KCTD1: variants seen among roughly 807,000 people sequenced by gnomAD.
The protein encoded by KCTD1 is potassium channel tetramerization domain containing 1.
KCTD1 carries 24 observed loss-of-function variants against 66.0 expected under a neutral mutation model. That is an observed-to-expected ratio of 0.36 (90% confidence interval 0.26 to 0.51). KCTD1 has a LOEUF of 0.51. Ranked by LOEUF, KCTD1 falls within the 20% of genes least tolerant of loss-of-function variation. The probability of loss-of-function intolerance (pLI) is 0.95; values close to 1 mark genes in which losing one functional copy is unlikely to be tolerated. For synonymous variants in KCTD1, 511 were observed against 517.2 expected, an observed-to-expected ratio of 0.99 and a Z score of 0.16; for missense variants, 943 against 1,205.2, an observed-to-expected ratio of 0.78 and a Z score of 3.22.
At chr18:26,631,716 A>G (rs1300266299), upstream of KCTD1, among the ~76,000 whole-genome samples, 1 of 152,216 alleles carries the variant, frequency 6.6e-6, no homozygotes, top group African/African-American at 2.4e-5. Flanking sequence ...GAATAAAAAT[A>G]TTCCCAAAAA....
At chr18:26,583,740 C>G (rs28498148) in intron 1 of KCTD1, among the ~76,000 whole-genome samples, 7,662 of 152,268 alleles carry the variant, frequency 0.05, 285 homozygotes, top group South Asian at 0.15. Context: ...GTTTTGATGA[C>G]ATATATTAAC....
At chr18:26,657,155 A>AGCGGCAGCCCCGGAGGAG (rs1487682106) in intron 1 of KCTD1, among the ~76,000 whole-genome samples, 2 of 150,960 alleles carry the variant, frequency 1.3e-5, no homozygotes, top group Non-Finnish European at 3.0e-5. Flanking sequence ...GAGAACCGGG[A>AGCGGCAGCCCCGGAGGAG]GCGGCAGCCC....
intron 4 of KCTD1, chr18:26,457,390 G>C (rs559354851): frequency 1.3e-5 from 2 of 152,294 alleles, no homozygotes; most frequent in African/African-American, 4.8e-5. Flanking sequence ...CCCTCAGCAA[G>C]AGGCATCCCA....
At chr18:26,520,258 C>T (rs1983846559) in intron 1 of KCTD1, among the ~76,000 whole-genome samples, 4 of 152,152 alleles carry the variant, frequency 2.6e-5, no homozygotes, top group Admixed American at 6.5e-5. Context: ...AGCACAGTGA[C>T]CAGCTTCCAC....
chr18:26,546,019 G>C (rs74872383), intron 1 of KCTD1, among the ~76,000 whole-genome samples: 2,081 of 152,156 alleles, frequency 0.014, 45 homozygotes, highest in African/African-American at 0.047. Context: ...CGTGGGGCTA[G>C]GGGGAGACAG....
intron 4 of KCTD1, chr18:26,458,584 G>T (rs1448520218): frequency 2.0e-5 from 3 of 152,298 alleles, no homozygotes; most frequent in Non-Finnish European, 4.4e-5. Context: ...CACATGCTCA[G>T]GCCATGGCCC....
chr18:26,460,640 T>C (rs989537013), intron 3 of KCTD1, among the ~76,000 whole-genome samples: 20 of 152,172 alleles, frequency 1.3e-4, no homozygotes, highest in African/African-American at 2.7e-4. Flanking sequence ...ATAAACAACT[T>C]TAGGCCTCGA....
Position 26,560,926 on chromosome 18 carries a change from G to T in KCTD1, c.-15-59676C>A, listed in dbSNP as rs373356091. On this transcript the variant is annotated intron_variant, in intron 1 of 4. Coordinates refer to the KCTD1 transcript ENST00000317932. ...CGCAGTAAATCATTTCTAGAAATGG[G>T]CTGCACACAAAGATATATGTACAAG... is the stretch of plus-strand genomic sequence containing the variant. Among the ~76,000 whole-genome samples the T allele has an allele frequency of 2.6e-4, 39 of 152,274 alleles. 4 individuals are homozygous for T. Among genetic ancestry groups the T allele is most frequent in the African/African-American group, 8.7e-4 (36 of 41,546 alleles).
intron 1 of KCTD1, among the ~76,000 whole-genome samples, chr18:26,578,560 C>T (rs7232792): frequency 0.27 from 41,204 of 151,926 alleles, 5,943 homozygotes; most frequent in African/African-American, 0.37. Flanking sequence ...GGTGTTCCAT[C>T]AGTTTTGCTG....
chr18:26,578,664 T>C (rs1417541858), intron 1 of KCTD1, among the ~76,000 whole-genome samples: 1 of 152,226 alleles, frequency 6.6e-6, no homozygotes, highest in Non-Finnish European at 1.5e-5. Flanking sequence ...TACACATTTC[T>C]TCCCTAGGTG....
At chr18:26,478,234 AG>A (rs1175763211) in intron 2 of KCTD1, among the ~76,000 whole-genome samples, 1 of 152,200 alleles carries the variant, frequency 6.6e-6, no homozygotes, top group Non-Finnish European at 1.5e-5. Context: ...TACCATCCTT[AG>A]TACTTTATAT....
rs1207245524 is a variant in KCTD1 at position 26,547,480 on chromosome 18, G to C, written c.1057C>G (p.Pro353Ala). Residue 353 changes from proline (P) to alanine (A), a missense_variant, in exon 1 of 5, where the codon CCC (proline) becomes GCC (alanine). By Grantham distance (27) the Pro-to-Ala change is conservative. Around this residue, in one of 10 missense-constraint regions of KCTD1, gnomAD observed 66 missense variants for 61.6 expected, o/e 1.07. Coordinates refer to ENST00000580059, the MANE Select transcript of KCTD1 (RefSeq NM_001142730.3). ...RKFVYFKSLG[P>A]YHKSRSSSWS... ...GACGACGAGCGCGACTTGTGGTAGG[G>C]CCCGAGGGACTTGAAGTAGACGAAC... The C allele has an allele frequency of 6.4e-7, 1 of 1,551,532 alleles. No homozygotes were observed. The highest frequency in any genetic ancestry group is 8.7e-7 in the Non-Finnish European group (1 of 1,147,002).
chr18:26,538,967 C>T (rs1165651174), intron 1 of KCTD1, among the ~76,000 whole-genome samples: 1 of 152,208 alleles, frequency 6.6e-6, no homozygotes, highest in Non-Finnish European at 1.5e-5. Context: ...TTTTTTGTGT[C>T]TCTGCATACT....
chr18:26,522,534 A>G (rs1010245791), intron 1 of KCTD1, among the ~76,000 whole-genome samples: 33 of 152,160 alleles, frequency 2.2e-4, no homozygotes, highest in African/African-American at 7.5e-4. Context: ...GTACTTTGTT[A>G]TGGTGGTCCT....
At chr18:26,548,919 G>A (rs1265528176), upstream of KCTD1, 10 of 989,052 alleles carry the variant, frequency 1.0e-5, no homozygotes, top group African/African-American at 5.2e-5. Context: ...GCGGGCCCGG[G>A]CGGGAGAGAG....
chr18:26,514,806 A>C (rs1167280998), intron 1 of KCTD1, among the ~76,000 whole-genome samples: 1 of 152,222 alleles, frequency 6.6e-6, no homozygotes, highest in Admixed American at 6.5e-5. Context: ...ATTTGGACCA[A>C]TAGTGCCTGC....
chr18:26,630,044 A>G (rs1399691349), upstream of KCTD1, among the ~76,000 whole-genome samples: 1 of 152,186 alleles, frequency 6.6e-6, no homozygotes, highest in Admixed American at 6.5e-5. Flanking sequence ...CTTGAGACCC[A>G]TATGAAAGAT....
chr18:26,466,707 G>C (rs187632292), intron 3 of KCTD1, among the ~76,000 whole-genome samples: 1 of 152,312 alleles, frequency 6.6e-6, no homozygotes, highest in East Asian at 1.9e-4. Flanking sequence ...TTCATTCCTA[G>C]CATCATTAAT....
At chr18:26,628,159 C>T (rs973485931) in intron 1 of KCTD1, among the ~76,000 whole-genome samples, 1 of 152,148 alleles carries the variant, frequency 6.6e-6, no homozygotes, top group South Asian at 2.1e-4. Context: ...CAGAGTTAAT[C>T]ATTTATTTTT....
Sources: allele counts gnomAD v4.1 joint callset (sites outside exome capture counted in the v4.1 genomes callset), GRCh38; gene constraint gnomAD v4.1.1; regional missense constraint gnomAD v4.1.1; transcripts MANE v1.5; gene names NCBI Gene and HGNC (gene_info 2026-07-23, HGNC 2026-07-21).